The following RBM47 variants were observed in gnomAD, a reference collection of about 807,000 sequenced individuals.
RBM47 encodes the protein RNA-binding protein 47.
A neutral mutation model predicts 47.1 loss-of-function variants in RBM47; 21 were observed. The ratio of observed to expected loss-of-function variants is 0.45; its 90% CI spans 0.32 to 0.64. The LOEUF (loss-of-function observed/expected upper bound fraction) is 0.64, where lower values mean the gene tolerates loss of function less well. Among genes scored for constraint, RBM47 ranks in the 30% least tolerant of loss-of-function variants. The probability of loss-of-function intolerance (pLI) is 0.05; values close to 1 mark genes in which losing one functional copy is unlikely to be tolerated. For synonymous variants in RBM47, 375 were observed against 361.7 expected, an observed-to-expected ratio of 1.04 and a Z score of -0.42; for missense variants, 708 against 870.9, an observed-to-expected ratio of 0.81 and a Z score of 2.35.
rs117677839 is a variant in RBM47 at position 40,481,982 on chromosome 4, G to C, written c.-154-15283C>G. ...ATTACAGGCATGTGCCACTGCGCCC[G>C]GCCATGATGTGGTTTCTATTAAATT... On this transcript the variant is annotated intron_variant, in intron 2 of 6. Transcript: ENST00000295971. 1.1e-3 allele frequency among the ~76,000 whole-genome samples: 162 copies of C among 152,268 alleles called. 4 individuals carry two copies. The East Asian group carries it at 0.026, about 24-fold the overall frequency.
chr4:40,531,889 CA>C (rs1226083651), intron 2 of RBM47, among the ~76,000 whole-genome samples: 4 of 151,908 alleles, frequency 2.6e-5, no homozygotes, highest in African/African-American at 9.7e-5. Context: ...TTAAGTGAGG[CA>C]GGGGGGTGAG....
At chr4:40,455,070 A>G (rs1716033521) in intron 3 of RBM47, among the ~76,000 whole-genome samples, 1 of 152,284 alleles carries the variant, frequency 6.6e-6, no homozygotes. Context: ...ACTTTCTACC[A>G]TCCCCATCGC....
Position 40,438,133 on chromosome 4 carries a change from A to G in RBM47, c.761T>C (p.Met254Thr). 2.5e-6 allele frequency: 4 copies of G among 1,613,002 alleles called. No individual in the cohort carries two copies. The highest frequency in any genetic ancestry group is 3.4e-6 in the Non-Finnish European group (4 of 1,179,978). ...GATGGTGTCCTCGGTGGTCTCGATC[A>G]TGAGGTTGCGCACGTAGAGGATCTT... Reference protein sequence around the residue: ...TVKILYVRNLMIETTEDTIKK... With the variant: ...TVKILYVRNLTIETTEDTIKK... The change falls in exon 4 of 7, where the codon ATG becomes ACG. Residue 254 changes from methionine (M) to threonine (T), a missense_variant. By Grantham distance (81) the Met-to-Thr change is moderately conservative. Transcript: ENST00000295971.
At chr4:40,480,567 A>C (rs2154241331) in intron 2 of RBM47, among the ~76,000 whole-genome samples, 1 of 152,300 alleles carries the variant, frequency 6.6e-6, no homozygotes, top group South Asian at 2.1e-4. Flanking sequence ...TTTGGAGCTA[A>C]GTAGGAAACC....
intron 2 of RBM47, among the ~76,000 whole-genome samples, chr4:40,537,840 T>G (rs1406634325): frequency 6.9e-6 from 1 of 145,776 alleles, no homozygotes; most frequent in Non-Finnish European, 1.5e-5. Flanking sequence ...TTTTCCTTCT[T>G]TTTTTTTTTT....
intron 2 of RBM47, among the ~76,000 whole-genome samples, chr4:40,503,342 T>G (rs1269469297): frequency 1.3e-5 from 2 of 152,142 alleles, no homozygotes; most frequent in Admixed American, 6.6e-5. Flanking sequence ...CTTCACATCA[T>G]GGATGAGGGG....
chr4:40,626,733 G>C (rs762265606), intron 1 of RBM47, among the ~76,000 whole-genome samples: 3 of 152,078 alleles, frequency 2.0e-5, no homozygotes, highest in Admixed American at 6.6e-5. Flanking sequence ...CAGAATAGAC[G>C]GGGAAGCAAC....
At chr4:40,440,989 A>G (rs1219068348) in intron 3 of RBM47, among the ~76,000 whole-genome samples, 2 of 152,054 alleles carry the variant, frequency 1.3e-5, no homozygotes, top group Admixed American at 6.6e-5. Context: ...CGTGGCTTCT[A>G]TTCTTATTAT....
intron 3 of RBM47, among the ~76,000 whole-genome samples, chr4:40,461,694 T>G (rs930851247): frequency 3.9e-5 from 6 of 152,182 alleles, no homozygotes; most frequent in African/African-American, 1.4e-4. Context: ...TTTGGAAGGC[T>G]GAGATGGGCG....
At position 40,425,948 on chromosome 4, in the gene RBM47, C is replaced by A. The variant is rs774088378; in HGVS notation, c.1738G>T (p.Ala580Ser). The stretch of plus-strand genomic sequence containing the variant: ...TCGGGGATGGGGACCTGAATGGCAG[C>A]AGCAGGGAAGGCCTGAGGTATGTAG... ...AGYIPQAFPA[A>S]AIQVPIPDVY... The change falls in exon 7 of 7, where the codon GCT becomes TCT. Residue 580 changes from alanine to serine, a missense_variant. By Grantham distance (99) the Ala-to-Ser change is moderately conservative. Coordinates refer to ENST00000295971, the MANE Select transcript of RBM47 (RefSeq NM_001098634.2). The A allele has an allele frequency of 6.2e-7, 1 of 1,614,214 alleles. No homozygotes were observed. Among genetic ancestry groups the A allele is most frequent in the Non-Finnish European group, 8.5e-7 (1 of 1,180,048 alleles).
At position 40,443,717 on chromosome 4, in the gene RBM47, C is replaced by CAAAAAAAAAA. The variant is rs10581870; in HGVS notation, c.-31-4803_-31-4794dup. 6.1e-4 allele frequency among the ~76,000 whole-genome samples: 29 copies of CAAAAAAAAAA among 47,744 alleles called. 1 individual carries two copies. The highest frequency in any genetic ancestry group is 9.5e-4 in the Admixed American group (3 of 3,154). 31.3% of individuals were successfully genotyped at this position (47,744 alleles called of 152,430 possible). ...GGGCAACAAGAGTGAAACTCCTTCT[C>CAAAAAAAAAA]AAAAAAAAAAAAAAAAAAAAAAAAA... On this transcript the variant is annotated intron_variant, in intron 3 of 6. Coordinates refer to ENST00000295971, the MANE Select transcript of RBM47 (RefSeq NM_001098634.2).
chr4:40,582,272 G>A (rs771668718), intron 1 of RBM47, among the ~76,000 whole-genome samples: 7 of 152,100 alleles, frequency 4.6e-5, no homozygotes, highest in African/African-American at 1.2e-4. Flanking sequence ...AGTGGCTCAC[G>A]CCTGTAATCC....
At chr4:40,579,423 G>GAAAA (rs10653342) in intron 1 of RBM47, among the ~76,000 whole-genome samples, 61,204 of 101,536 alleles carry the variant, frequency 0.6, 19,514 homozygotes, top group East Asian at 0.72. Flanking sequence ...CCCTGTCTCA[G>GAAAA]AAAAAAAAAA....
At chr4:40,600,744 T>C (rs572719989) in intron 1 of RBM47, among the ~76,000 whole-genome samples, 1 of 151,696 alleles carries the variant, frequency 6.6e-6, no homozygotes, top group African/African-American at 2.4e-5. Context: ...CCCAGCACTT[T>C]GGGAGGCCAA....
chr4:40,573,806 A>AG (rs1732003234), intron 1 of RBM47, among the ~76,000 whole-genome samples: 1 of 50,658 alleles, frequency 2.0e-5, no homozygotes, highest in South Asian at 5.5e-4. Flanking sequence ...AGAAAGAAAG[A>AG]AAAAGAAAGA....
intron 2 of RBM47, among the ~76,000 whole-genome samples, chr4:40,468,833 T>C (rs1718431969): frequency 6.6e-6 from 1 of 152,234 alleles, no homozygotes; most frequent in African/African-American, 2.4e-5. Context: ...TGTGAAAAGA[T>C]AATTCCTGAA....
intron 1 of RBM47, among the ~76,000 whole-genome samples, chr4:40,584,790 C>T (rs1257285647): frequency 6.6e-6 from 1 of 152,206 alleles, no homozygotes; most frequent in East Asian, 1.9e-4. Flanking sequence ...AGATTCAACT[C>T]AGTTGCGCCA....
At chr4:40,522,802 AAT>A (rs1455337577) in intron 2 of RBM47, among the ~76,000 whole-genome samples, 3 of 152,104 alleles carry the variant, frequency 2.0e-5, no homozygotes, top group Non-Finnish European at 4.4e-5. Flanking sequence ...TTTTTTTGGA[AAT>A]ATAATTATTT....
chr4:40,528,346 T>C (rs1577889235), intron 2 of RBM47, among the ~76,000 whole-genome samples: 1 of 151,862 alleles, frequency 6.6e-6, no homozygotes, highest in South Asian at 2.1e-4. Flanking sequence ...GAGGCCGAGG[T>C]TGCAGTGAGC....
Sources: allele counts gnomAD v4.1 joint callset (sites outside exome capture counted in the v4.1 genomes callset), GRCh38; gene constraint gnomAD v4.1.1; transcripts MANE v1.5; gene names NCBI Gene and HGNC (gene_info 2026-07-23, HGNC 2026-07-21).